PLXNB2: variants seen among roughly 807,000 people sequenced by gnomAD.
The protein encoded by PLXNB2 is plexin B2.
In PLXNB2, 85 loss-of-function variants were observed where a neutral mutation model predicts 202.6. The observed-to-expected ratio is 0.42, with a 90% CI of 0.35 to 0.50. The LOEUF is 0.50. Among genes scored for constraint, PLXNB2 ranks in the 20% least tolerant of loss-of-function variants. The probability of loss-of-function intolerance (pLI) is 0.02; values close to 1 mark genes in which losing one functional copy is unlikely to be tolerated. For synonymous variants in PLXNB2, 1,239 were observed against 1,137.6 expected (o/e 1.09, Z -1.79); for missense variants, 2,063 against 2,586.2 (o/e 0.80, Z 4.39).
chr22:50,296,250 T>C (rs1053238746), intron 1 of PLXNB2, among the ~76,000 whole-genome samples: 11 of 138,750 alleles, frequency 7.9e-5, no homozygotes, highest in African/African-American at 2.8e-4. Context: ...TTCAAGGAAC[T>C]TGAACTAGAC....
Position 50,307,585 on chromosome 22 carries a change from CGGGCCGCGCTCGGCGCTGCGCTCT to C in PLXNB2, c.-130_-107del. On this transcript the variant is annotated 5_prime_UTR_variant, in exon 1 of 37. Coordinates refer to ENST00000359337, the MANE Select transcript of PLXNB2 (RefSeq NM_012401.4). ...TCCGCCGCCAAGGCTCGATGGCGCC[CGGGCCGCGCTCGGCGCTGCGCTCT>C]GGCCCGCGCTGCTGCCATGGAGACG... 1 of 982,232 alleles carries C rather than the reference CGGGCCGCGCTCGGCGCTGCGCTCT, an allele frequency of 1.0e-6. No homozygotes were observed. The highest frequency in any genetic ancestry group is 1.2e-6 in the Non-Finnish European group (1 of 828,756). 60.8% of individuals were successfully genotyped at this position (982,232 alleles called of 1,614,324 possible). A position where few individuals can be genotyped will look rare whatever the true frequency, so the allele number is the denominator to read the frequency against.
Position 50,281,728 on chromosome 22 carries a change from G to A in PLXNB2, c.3360C>T (p.Asn1120=), listed in dbSNP as rs1252119896. The A allele has an allele frequency of 2.6e-6, 4 of 1,561,486 alleles. No individual in the cohort carries two copies. The highest frequency in any genetic ancestry group is 1.4e-5 in the African/African-American group (1 of 73,750). The change falls in exon 21 of 37, where the codon AAC becomes AAT. Residue 1120 remains asparagine, a synonymous_variant. Coordinates refer to ENST00000359337, the MANE Select transcript of PLXNB2 (RefSeq NM_012401.4). Reference sequence around the variant, plus strand: ...CGGCCTCCTGCAGCGTCATCGCCTTGTTCAGATTGGTGCCCTGGGGAGGCG... The same window carrying A: ...CGGCCTCCTGCAGCGTCATCGCCTTATTCAGATTGGTGCCCTGGGGAGGCG... ...KLIHARGTNL[N]KAMTLQEAEA...
chr22:50,283,637 G>A lies in PLXNB2; in HGVS notation c.2535C>T (p.Cys845=). 6.2e-7 allele frequency: 1 copy of A among 1,613,080 alleles called. No individual in the cohort carries two copies. The highest frequency in any genetic ancestry group is 8.5e-7 in the Non-Finnish European group (1 of 1,179,962). ...IQRISVAGRN[C]SFQPERYSVS... is the part of the protein sequence containing the mutation. ...CGGAGTAACGTTCCGGCTGAAAGGA[G>A]CAGTTCCGGCCGGCCACAGAGATCC... The change falls in exon 15 of 37, where the codon TGC becomes TGT. Residue 845 remains cysteine, a synonymous_variant. Transcript: ENST00000359337.
chr22:50,285,973 GCC>G lies in PLXNB2; in HGVS notation c.1986+15_1986+16del. The G allele has an allele frequency of 6.2e-7, 1 of 1,609,008 alleles. No individual in the cohort carries two copies. The highest frequency in any genetic ancestry group is 1.7e-4 in the Middle Eastern group (1 of 6,052). ...GCCATGCCCTGAACAGTCCCCTGAGGCCCCGAGGCCCCTCACCATGTGGGCAC... is the reference window on the plus strand; with the variant it reads ...GCCATGCCCTGAACAGTCCCCTGAGGCCGAGGCCCCTCACCATGTGGGCAC... On this transcript the variant is annotated intron_variant, in intron 10 of 36. Transcript: ENST00000359337.
At chr22:50,287,028 G>C in intron 8 of PLXNB2, 83 bp downstream of exon 8, 1 of 1,336,008 alleles carries the variant, frequency 7.5e-7, no homozygotes, top group Non-Finnish European at 9.9e-7. Flanking sequence ...CTGCACCCAG[G>C]GGCCAGCAGA....
At chr22:50,306,138 G>A (rs987114968) in intron 1 of PLXNB2, among the ~76,000 whole-genome samples, 4 of 152,198 alleles carry the variant, frequency 2.6e-5, no homozygotes, top group Non-Finnish European at 5.9e-5. Context: ...GCAGCCGGTG[G>A]GGGAGGGGGA....
In PLXNB2 at chr22:50,292,774, T is replaced by G. The variant is rs1010455283; in HGVS notation, c.-14+1945A>C. On this transcript the variant is annotated intron_variant, in intron 2 of 36. Coordinates refer to ENST00000359337, the MANE Select transcript of PLXNB2 (RefSeq NM_012401.4). ...CTGATTGCCCGCACGCTTCCTGAAA[T>G]CTCTTGAGGTGTAACCAAGACGCAA... Among the ~76,000 whole-genome samples, 14 of 152,102 alleles carry G rather than the reference T, an allele frequency of 9.2e-5. 1 individual carries two copies. The highest frequency in any genetic ancestry group is 9.2e-4 in the Admixed American group (14 of 15,276).
chr22:50,304,459 G>T (rs2067814673), intron 1 of PLXNB2, among the ~76,000 whole-genome samples: 1 of 152,202 alleles, frequency 6.6e-6, no homozygotes, highest in Admixed American at 6.5e-5. Flanking sequence ...TGTGGCTGGG[G>T]GAGCCCAGAA....
In PLXNB2 at chr22:50,291,526, T is replaced by C. The variant is rs1348906823; in HGVS notation, c.-13-929A>G. 1.3e-5 allele frequency among the ~76,000 whole-genome samples: 2 copies of C among 151,862 alleles called. No homozygotes were observed. The highest frequency in any genetic ancestry group is 2.1e-4 in the South Asian group (1 of 4,820). On this transcript the variant is annotated intron_variant, in intron 2 of 36. Coordinates refer to ENST00000359337, the MANE Select transcript of PLXNB2 (RefSeq NM_012401.4). The surrounding 1 kb of genome is among the most constrained non-coding windows in gnomAD (Gnocchi z 4.3). ...CCAGGCTGAGCTGAGGGTCTCCCAA[T>C]AGGAGGAAGATCCAAGGCCCCACAG...
In PLXNB2 at chr22:50,286,996, G is replaced by T. The variant is rs115683129; in HGVS notation, c.1762+115C>A. On this transcript the variant is annotated intron_variant, in intron 8 of 36. Coordinates refer to ENST00000359337, the MANE Select transcript of PLXNB2 (RefSeq NM_012401.4). ...TTCAGGCTGGGCCCCCGGAGCAGCC[G>T]CGGAGTGTGCCTGTGCAGAGCCTGC... The T allele has an allele frequency of 7.0e-4, 751 of 1,071,722 alleles. 4 individuals are homozygous for T. The African/African-American group carries it at 9.9e-3, about 14-fold the overall frequency. The allele number at this position is 1,071,722 out of a possible 1,614,324, so 66.4% of individuals were successfully genotyped here.
chr22:50,290,670 C>A (rs1402853330), intron 2 of PLXNB2, 73 bp from the exon 3 acceptor site: 16 of 1,419,876 alleles, frequency 1.1e-5, no homozygotes, highest in Non-Finnish European at 1.5e-5. Context: ...CCAGTCCCTG[C>A]CCCAAACGTC....
intron 2 of PLXNB2, among the ~76,000 whole-genome samples, chr22:50,292,741 C>T (rs2066969982): frequency 6.6e-6 from 1 of 151,996 alleles, no homozygotes; most frequent in Non-Finnish European, 1.5e-5. Context: ...CCGTGGCAAC[C>T]CCCCGTTCTG....
chr22:50,288,966 G>A lies in PLXNB2; in HGVS notation c.1245C>T (p.Ile415=), dbSNP rs1326636255. The stretch of plus-strand genomic sequence containing the variant: ...GCCCCAGCCTGGGCCAAACCTTGAG[G>A]ATCCGGCCATCAGAGGTGCCCAGAA... ...VAFLGTSDGR[I]LKVYLTPDGT... The change falls in exon 4 of 37, where the codon ATC becomes ATT. Residue 415 remains isoleucine (I), a synonymous_variant. Coordinates refer to ENST00000359337, the MANE Select transcript of PLXNB2 (RefSeq NM_012401.4). This position sits in a 1 kb window ranked among gnomAD's most constrained non-coding sequence, Gnocchi z 5.0. The A allele has an allele frequency of 6.2e-7, 1 of 1,608,322 alleles. No individual in the cohort carries two copies. The highest frequency in any genetic ancestry group is 2.2e-5 in the East Asian group (1 of 44,680).
In PLXNB2 at chr22:50,277,785, T is replaced by C. The variant is rs1377266226; in HGVS notation, c.5049-47A>G. ...TGAGAGCCGGGGCTGGGCCGCGGGGTGGGTGTGGAGCCTCCCAAGTGAGAG... is the reference window on the plus strand; with the variant it reads ...TGAGAGCCGGGGCTGGGCCGCGGGGCGGGTGTGGAGCCTCCCAAGTGAGAG... On this transcript the variant is annotated intron_variant, in intron 32 of 36. Transcript: ENST00000359337. 5.0e-6 allele frequency: 8 copies of C among 1,592,174 alleles called. No homozygotes were observed. The Admixed American group carries it at 1.3e-4, about 27-fold the overall frequency.
Position 50,287,152 on chromosome 22 carries a change from C to A in PLXNB2, c.1721G>T (p.Cys574Phe). ...GACGGGGATGCTGCTTGGGGAGTTG[C>A]AGATGACGGCCTCGCCCTCCACGCG... ...PARVEGEAVI[C>F]NSPSSIPVTP... is the part of the protein sequence containing the mutation. Residue 574 changes from cysteine (C) to phenylalanine (F), a missense_variant, in exon 8 of 37, where the codon TGC (cysteine) becomes TTC (phenylalanine). Physicochemically the swap from Cys to Phe is radical, Grantham distance 205 (BLOSUM62 -2). Around this residue, in one of 2 missense-constraint regions of PLXNB2, gnomAD observed 1,303 missense variants for 1,476.8 expected, o/e 0.88. Coordinates refer to ENST00000359337, the MANE Select transcript of PLXNB2 (RefSeq NM_012401.4). 1 of 1,543,962 alleles carries A rather than the reference C, an allele frequency of 6.5e-7. No homozygotes were observed.
chr22:50,276,952 T>G, intron 33 of PLXNB2, 46 bp from the exon 34 acceptor site: 2 of 1,446,748 alleles, frequency 1.4e-6, no homozygotes, highest in South Asian at 1.2e-5. Context: ...GGGGCCAGGC[T>G]GGGGCTGCTC....
At chr22:50,280,177 C>T (rs1418357214) in intron 25 of PLXNB2, 106 bp from the exon 26 acceptor site, 22 of 915,550 alleles carry the variant, frequency 2.4e-5, no homozygotes, top group African/African-American at 3.3e-5. Flanking sequence ...CGCCCCTGTC[C>T]AGCCTGGGTG....
chr22:50,286,428 T>C, intron 8 of PLXNB2, 141 bp from the exon 9 acceptor site: 1 of 624,430 alleles, frequency 1.6e-6, no homozygotes, highest in Non-Finnish European at 2.8e-6. Flanking sequence ...CCCGCATTCA[T>C]GTTGGGCGGG....
In PLXNB2 at chr22:50,291,773, C is replaced by T. The variant is rs1173160941; in HGVS notation, c.-13-1176G>A. On this transcript the variant is annotated intron_variant, in intron 2 of 36. Coordinates refer to ENST00000359337, the MANE Select transcript of PLXNB2 (RefSeq NM_012401.4). This position sits in a 1 kb window ranked among gnomAD's most constrained non-coding sequence, Gnocchi z 4.3. The stretch of plus-strand genomic sequence containing the variant: ...CCCCCTCCTCATGCTCACAACCACC[C>T]CCACTCCTGGGCCCACCATCATCTT... 6.6e-6 allele frequency among the ~76,000 whole-genome samples: 1 copy of T among 152,170 alleles called. No individual in the cohort carries two copies. Among genetic ancestry groups the T allele is most frequent in the African/African-American group, 2.4e-5 (1 of 41,452 alleles).
Sources: gnomAD v4.1 joint callset for allele counts (sites outside exome capture counted in the v4.1 genomes callset) on GRCh38, gnomAD v4.1.1 for gene constraint, gnomAD v4.1.1 regional missense constraint, Gnocchi (gnomAD v3.1) non-coding constraint, MANE v1.5 for transcripts, NCBI Gene and HGNC (gene_info 2026-07-23, HGNC 2026-07-21) for gene names.